C12orf75: variants seen among roughly 807,000 people sequenced by gnomAD.
The protein encoded by C12orf75 is chromosome 12 open reading frame 75.
In C12orf75, 4 loss-of-function variants were observed where a neutral mutation model predicts 11.4. That is an observed-to-expected ratio of 0.35 (90% CI 0.17 to 0.80). The LOEUF (loss-of-function observed/expected upper bound fraction) is 0.80. C12orf75 is among the 30% of genes least tolerant of loss of function. C12orf75 has a pLI of 0.52. For missense variants in C12orf75, 89 were observed against 80.4 expected, an observed-to-expected ratio of 1.11 and a Z score of -0.41; for synonymous variants, 30 against 30.0, an observed-to-expected ratio of 1.00 and a Z score of 0.00.
intron 2 of C12orf75, among the ~76,000 whole-genome samples, chr12:105,359,103 C>T (rs918204999): frequency 1.6e-4 from 24 of 152,150 alleles, no homozygotes; most frequent in African/African-American, 5.6e-4. Context: ...GGGCTAGTTT[C>T]TCTTCCCCTG....
intron 2 of C12orf75, among the ~76,000 whole-genome samples, chr12:105,363,619 G>C (rs1326279068): frequency 1.3e-5 from 2 of 152,072 alleles, no homozygotes; most frequent in Admixed American, 1.3e-4. Flanking sequence ...CAGCTACTCG[G>C]GAGGCTGAGG....
chr12:105,341,741 T>C (rs1205403465), intron 1 of C12orf75, among the ~76,000 whole-genome samples: 1 of 152,180 alleles, frequency 6.6e-6, no homozygotes, highest in Non-Finnish European at 1.5e-5. Context: ...GCTCACTGAA[T>C]CCAGTAATAT....
chr12:105,365,888 A>G (rs966638523), intron 3 of C12orf75, 46 bp downstream of exon 3: 9 of 1,276,358 alleles, frequency 7.1e-6, no homozygotes, highest in African/African-American at 4.5e-5. Context: ...GGTTTTGGCC[A>G]TACCTCATGG....
intron 1 of C12orf75, among the ~76,000 whole-genome samples, chr12:105,331,602 A>G (rs1749779270): frequency 6.6e-6 from 1 of 151,076 alleles, no homozygotes; most frequent in African/African-American, 2.4e-5. Flanking sequence ...ACACACACAC[A>G]CACACACACA....
intron 2 of C12orf75, among the ~76,000 whole-genome samples, chr12:105,356,433 T>C (rs1363660667): frequency 7.7e-6 from 1 of 129,710 alleles, no homozygotes; most frequent in Non-Finnish European, 1.6e-5. Context: ...AAGAAAAGAC[T>C]ACAGGCTTTT....
At chr12:105,348,566 C>T in intron 1 of C12orf75, 36 bp from the exon 2 acceptor site, 1 of 1,461,266 alleles carries the variant, frequency 6.8e-7, no homozygotes. Flanking sequence ...GCAATACTAT[C>T]ACACCAATAC....
At chr12:105,357,307 C>T (rs1892796279) in intron 2 of C12orf75, among the ~76,000 whole-genome samples, 1 of 152,188 alleles carries the variant, frequency 6.6e-6, no homozygotes, top group Non-Finnish European at 1.5e-5. Context: ...CAGAGGAAAC[C>T]CGAAGCCATC....
At position 105,338,129 on chromosome 12, in the gene C12orf75, C is replaced by T. The variant is rs540530167; in HGVS notation, c.46+7192C>T. ...ATTATATCAGCTAAATGTCAGTGCA[C>T]TAACTTATGCCTGTACTTCTTATAT... On this transcript the variant is annotated intron_variant, in intron 1 of 5. Transcript: ENST00000443585. 4.1e-4 allele frequency among the ~76,000 whole-genome samples: 63 copies of T among 152,280 alleles called. 1 individual carries two copies. The South Asian group carries it at 0.013, about 31-fold the overall frequency.
At chr12:105,365,724 G>A in intron 2 of C12orf75, 83 bp from the exon 3 acceptor site, 2 of 871,074 alleles carry the variant, frequency 2.3e-6, no homozygotes, top group Non-Finnish European at 3.8e-6. Context: ...CTTCAACTCA[G>A]TAGTCCCTTT....
intron 2 of C12orf75, among the ~76,000 whole-genome samples, chr12:105,365,107 T>G (rs1445693766): frequency 2.6e-5 from 4 of 151,950 alleles, no homozygotes; most frequent in African/African-American, 9.7e-5. Context: ...AAAGTGCTGG[T>G]ATTACAGGCA....
chr12:105,349,859 A>G (rs747964207), intron 2 of C12orf75, among the ~76,000 whole-genome samples: 5 of 152,228 alleles, frequency 3.3e-5, no homozygotes, highest in Non-Finnish European at 7.3e-5. Flanking sequence ...CCTGGGTGAC[A>G]GAGCCAGACT....
chr12:105,358,905 C>T (rs1377171107), intron 2 of C12orf75, among the ~76,000 whole-genome samples: 1 of 152,210 alleles, frequency 6.6e-6, no homozygotes, highest in African/African-American at 2.4e-5. Context: ...GCTCTGGGCA[C>T]AGCTGTAAAG....
chr12:105,345,679 T>TTTTTTG (rs1375191325), intron 1 of C12orf75, among the ~76,000 whole-genome samples: 1 of 141,280 alleles, frequency 7.1e-6, no homozygotes, highest in Non-Finnish European at 1.5e-5. Flanking sequence ...TTTTTTTTTT[T>TTTTTTG]GAGACAGAGT....
chr12:105,352,878 A>G (rs1375490357), intron 2 of C12orf75, among the ~76,000 whole-genome samples: 1 of 152,246 alleles, frequency 6.6e-6, no homozygotes, highest in Non-Finnish European at 1.5e-5. Flanking sequence ...TGTGTATCAG[A>G]AAACAAGCCT....
At chr12:105,349,163 C>A (rs1007091043) in intron 2 of C12orf75, among the ~76,000 whole-genome samples, 2 of 152,226 alleles carry the variant, frequency 1.3e-5, no homozygotes, top group African/African-American at 4.8e-5. Flanking sequence ...ATCTGGAGCT[C>A]AGGAGCATTC....
intron 2 of C12orf75, among the ~76,000 whole-genome samples, chr12:105,356,043 TC>T (rs1451920150): frequency 6.6e-6 from 1 of 152,036 alleles, no homozygotes; most frequent in African/African-American, 2.4e-5. Flanking sequence ...GGGAGAGAGA[TC>T]AAAAGAAAAC....
At chr12:105,365,775 G>A (rs1013210535) in intron 2 of C12orf75, 32 bp from the exon 3 acceptor site, 6 of 1,495,246 alleles carry the variant, frequency 4.0e-6, no homozygotes, top group East Asian at 2.5e-5. Flanking sequence ...ATGTAACCAA[G>A]TGTCTCATAG....
At chr12:105,353,844 A>G (rs757132871) in intron 2 of C12orf75, among the ~76,000 whole-genome samples, 6 of 152,242 alleles carry the variant, frequency 3.9e-5, no homozygotes, top group Non-Finnish European at 8.8e-5. Context: ...TGTAAAGTGA[A>G]TCTTACTGAG....
At chr12:105,346,579 A>G (rs1395065729) in intron 1 of C12orf75, among the ~76,000 whole-genome samples, 1 of 152,222 alleles carries the variant, frequency 6.6e-6, no homozygotes, top group African/African-American at 2.4e-5. Context: ...AGTAGTTTAC[A>G]TAATGTATCA....
Sources: allele counts gnomAD v4.1 joint callset (sites outside exome capture counted in the v4.1 genomes callset), GRCh38; gene constraint gnomAD v4.1.1; transcripts MANE v1.5; gene names NCBI Gene and HGNC (gene_info 2026-07-23, HGNC 2026-07-21).